The following EYA4 variants were observed in gnomAD, a reference collection of about 807,000 sequenced individuals.
EYA4 encodes protein phosphatase EYA4.
EYA4 carries 31 observed loss-of-function variants against 87.9 expected under a neutral mutation model. The observed-to-expected ratio is 0.35, with a 90% CI of 0.27 to 0.48. The LOEUF (loss-of-function observed/expected upper bound fraction) is 0.48, where lower values mean the gene tolerates loss of function less well. Ranked by LOEUF, EYA4 falls within the 20% of genes least tolerant of loss-of-function variation. EYA4 has a pLI of 0.99. For missense variants in EYA4, 678 were observed against 761.4 expected (o/e 0.89, Z 1.29); for synonymous variants, 263 against 270.6 (o/e 0.97, Z 0.28).
At chr6:133,515,461 G>A (rs1039045363) in intron 17 of EYA4, 26 bp downstream of exon 17, 2 of 1,234,566 alleles carry the variant, frequency 1.6e-6, no homozygotes, top group Non-Finnish European at 1.2e-6. Flanking sequence ...ACCTTTCTAT[G>A]TGTATCGTAT....
chr6:133,487,737 G>T (rs1796800909), intron 13 of EYA4, among the ~76,000 whole-genome samples: 1 of 152,214 alleles, frequency 6.6e-6, no homozygotes, highest in Non-Finnish European at 1.5e-5. Flanking sequence ...TAGCAAGGCA[G>T]TACTTGCCGC....
At chr6:133,306,048 C>T (rs1255180694) in intron 2 of EYA4, among the ~76,000 whole-genome samples, 2 of 152,032 alleles carry the variant, frequency 1.3e-5, no homozygotes, top group African/African-American at 4.8e-5. Context: ...CGACATTGTG[C>T]CAAATGTAAC....
intron 3 of EYA4, among the ~76,000 whole-genome samples, chr6:133,424,854 A>G (rs1417466237): frequency 6.6e-6 from 1 of 150,772 alleles, no homozygotes; most frequent in Non-Finnish European, 1.5e-5. Flanking sequence ...CCCACTCAGA[A>G]GGGATGGGGC....
Position 133,462,740 on chromosome 6 carries a change from A to G in EYA4, c.700A>G (p.Thr234Ala), listed in dbSNP as rs369970013. 3.1e-6 allele frequency: 5 copies of G among 1,613,822 alleles called. No homozygotes were observed. The highest frequency in any genetic ancestry group is 1.3e-5 in the African/African-American group (1 of 74,894). The change falls in exon 9 of 20, where the codon ACA becomes GCA. Residue 234 changes from threonine to alanine, a missense_variant. Transcript: ENST00000355286. ...PGFSTPQPGQTPYSYQMPGSS... is the reference protein window; with the variant it reads ...PGFSTPQPGQAPYSYQMPGSS... Reference sequence around the variant, plus strand: ...GTTCTCTACCCCACAGCCAGGCCAGACACCTTATTCTTACCAAATGCCAGG... The same window carrying G: ...GTTCTCTACCCCACAGCCAGGCCAGGCACCTTATTCTTACCAAATGCCAGG...
intron 1 of EYA4, among the ~76,000 whole-genome samples, chr6:133,266,404 G>T (rs1009726857): frequency 2.0e-5 from 3 of 152,110 alleles, no homozygotes; most frequent in Admixed American, 2.0e-4. Context: ...TCCAGAGCAA[G>T]CATAAATCTG....
chr6:133,273,355 C>A (rs1413248212), intron 1 of EYA4, among the ~76,000 whole-genome samples: 2 of 151,944 alleles, frequency 1.3e-5, no homozygotes, highest in Non-Finnish European at 2.9e-5. Context: ...TTAGATTGTG[C>A]CTGCCAGATT....
intron 13 of EYA4, among the ~76,000 whole-genome samples, chr6:133,503,117 C>G (rs1798278962): frequency 6.6e-6 from 1 of 152,162 alleles, no homozygotes; most frequent in African/African-American, 2.4e-5. Context: ...CTAGCAGATT[C>G]TTGCATTTTG....
intron 6 of EYA4, among the ~76,000 whole-genome samples, chr6:133,458,038 T>TC (rs1016677227): frequency 4.9e-4 from 75 of 152,218 alleles, no homozygotes; most frequent in African/African-American, 1.6e-3. Flanking sequence ...TAAAACCATG[T>TC]CCTTATGATC....
At chr6:133,301,841 C>T (rs11970056) in intron 2 of EYA4, among the ~76,000 whole-genome samples, 2,618 of 152,258 alleles carry the variant, frequency 0.017, 62 homozygotes, top group African/African-American at 0.057. Context: ...AAGGAGGAAG[C>T]GCTGGGCTTC....
intron 2 of EYA4, among the ~76,000 whole-genome samples, chr6:133,378,619 A>G (rs1056730596): frequency 1.3e-5 from 2 of 152,032 alleles, no homozygotes; most frequent in African/African-American, 4.8e-5. Context: ...TCTCAGTGTT[A>G]CTATATGGGA....
chr6:133,362,650 G>T (rs1784538169), intron 2 of EYA4, among the ~76,000 whole-genome samples: 1 of 152,212 alleles, frequency 6.6e-6, no homozygotes, highest in African/African-American at 2.4e-5. Flanking sequence ...TAAGTCTAGG[G>T]GTTCCCAGAA....
chr6:133,261,227 G>A (rs886641552), intron 1 of EYA4, among the ~76,000 whole-genome samples: 2 of 152,150 alleles, frequency 1.3e-5, no homozygotes, highest in African/African-American at 4.8e-5. Context: ...TTGTTTGTCA[G>A]AAATCTGAAG....
At chr6:133,265,407 A>G (rs1017486197) in intron 1 of EYA4, among the ~76,000 whole-genome samples, 9 of 152,104 alleles carry the variant, frequency 5.9e-5, no homozygotes. Flanking sequence ...TTGGCTCATA[A>G]AACAGCATGC....
At chr6:133,487,240 T>C (rs1481019169) in intron 13 of EYA4, among the ~76,000 whole-genome samples, 1 of 152,226 alleles carries the variant, frequency 6.6e-6, no homozygotes, top group Admixed American at 6.5e-5. Flanking sequence ...TGTTGGAACC[T>C]GAGTTCTGGC....
chr6:133,287,381 A>G (rs771053266), intron 2 of EYA4, among the ~76,000 whole-genome samples: 1 of 152,186 alleles, frequency 6.6e-6, no homozygotes, highest in African/African-American at 2.4e-5. Flanking sequence ...AAGAGAACCT[A>G]TCCTGGCCTG....
chr6:133,329,139 C>G (rs6900552), intron 2 of EYA4, among the ~76,000 whole-genome samples: 56,869 of 151,898 alleles, frequency 0.37, 11,936 homozygotes, highest in African/African-American at 0.56. Context: ...ACAATTAATT[C>G]TAGTAAAATA....
chr6:133,343,017 A>T (rs1782919021), intron 2 of EYA4, among the ~76,000 whole-genome samples: 2 of 152,180 alleles, frequency 1.3e-5, no homozygotes, highest in East Asian at 3.9e-4. Context: ...CATAACCATG[A>T]ACATTTACAG....
At chr6:133,280,905 C>A (rs760378118) in intron 2 of EYA4, among the ~76,000 whole-genome samples, 22 of 152,114 alleles carry the variant, frequency 1.4e-4, no homozygotes, top group Non-Finnish European at 3.1e-4. Context: ...AGACAAGCAC[C>A]AATCCACTTC....
chr6:133,328,456 T>G (rs1361991380), intron 2 of EYA4, among the ~76,000 whole-genome samples: 4 of 152,156 alleles, frequency 2.6e-5, no homozygotes. Flanking sequence ...GTAAGTAATC[T>G]TCTAACACGT....
Sources: allele counts gnomAD v4.1 joint callset (sites outside exome capture counted in the v4.1 genomes callset), GRCh38; gene constraint gnomAD v4.1.1; transcripts MANE v1.5; gene names NCBI Gene and HGNC (gene_info 2026-07-23, HGNC 2026-07-21).